Variants in MTUS1 observed in about 807,000 individuals in gnomAD.
MTUS1 encodes microtubule associated scaffold protein 1, also known as microtubule-associated tumor suppressor 1.
Under a neutral mutation model 120.8 loss-of-function variants are expected in MTUS1, and 109 were observed. The ratio of observed to expected loss-of-function variants is 0.90; its 90% CI spans 0.77 to 1.06. MTUS1 has a LOEUF of 1.06. Among genes scored for constraint, MTUS1 ranks in the 50% least tolerant of loss-of-function variants. The pLI is 0.00. For synonymous variants in MTUS1, 737 were observed against 550.5 expected, an observed-to-expected ratio of 1.34 and a Z score of -4.74; for missense variants, 2,210 against 1,486.3, an observed-to-expected ratio of 1.49 and a Z score of -8.01.
chr8:17,700,026 A>G (rs1346570892), intron 6 of MTUS1, among the ~76,000 whole-genome samples: 1 of 152,228 alleles, frequency 6.6e-6, no homozygotes, highest in Non-Finnish European at 1.5e-5. Flanking sequence ...GAATGTGAGA[A>G]GTACCTAAAA....
At chr8:17,790,490 G>A (rs2051685479) in intron 1 of MTUS1, among the ~76,000 whole-genome samples, 2 of 152,106 alleles carry the variant, frequency 1.3e-5, no homozygotes, top group South Asian at 4.1e-4. Context: ...AGGACTTATT[G>A]CAAAAAGCAG....
In MTUS1 at chr8:17,657,015, C is replaced by T. The variant is rs568526565; in HGVS notation, c.2906-950G>A. Among the ~76,000 whole-genome samples, 876 of 137,326 alleles carry T rather than the reference C, an allele frequency of 6.4e-3. 1 individual carries two copies. The highest frequency in any genetic ancestry group is 9.6e-3 in the Non-Finnish European group (632 of 65,824). 90.1% of individuals were successfully genotyped at this position (137,326 alleles called of 152,430 possible). A position where few individuals can be genotyped will look rare whatever the true frequency, so the allele number is the denominator to read the frequency against. ...CGGAGCTTCCAGTGAGCCGAGATTG[C>T]GCCACTGCACTCCAGCCTGGGCGAC... On this transcript the variant is annotated intron_variant, in intron 8 of 14. Coordinates refer to ENST00000693296, the MANE Select transcript of MTUS1 (RefSeq NM_001363059.2).
At chr8:17,704,556 C>T (rs1208020333) in intron 6 of MTUS1, among the ~76,000 whole-genome samples, 1 of 152,122 alleles carries the variant, frequency 6.6e-6, no homozygotes, top group Admixed American at 6.5e-5. Flanking sequence ...ATTCTTGGCA[C>T]ACTTGCTGAA....
At chr8:17,792,910 ACTT>A (rs2131590854) in intron 1 of MTUS1, among the ~76,000 whole-genome samples, 1 of 152,344 alleles carries the variant, frequency 6.6e-6, no homozygotes, top group South Asian at 2.1e-4. Context: ...AACAGAAAAT[ACTT>A]CTTCACAGCA....
At chr8:17,653,382 A>AT (rs558449475) in intron 11 of MTUS1, 43 bp downstream of exon 11, 2,309 of 1,487,678 alleles carry the variant, frequency 1.6e-3, no homozygotes, top group South Asian at 3.4e-3. Flanking sequence ...CAAAAATGAT[A>AT]TTTTTTTTTG....
intron 5 of MTUS1, 122 bp downstream of exon 5, chr8:17,715,645 C>G (rs1003729795): frequency 5.8e-6 from 6 of 1,037,544 alleles, no homozygotes; most frequent in Middle Eastern, 2.1e-4. Context: ...TATCTCCTTT[C>G]TCAACATATT....
At chr8:17,734,823 C>A (rs1340800083) in intron 3 of MTUS1, among the ~76,000 whole-genome samples, 1 of 152,168 alleles carries the variant, frequency 6.6e-6, no homozygotes, top group African/African-American at 2.4e-5. Flanking sequence ...AGTGAGCCTC[C>A]TGGCTCATTA....
intron 6 of MTUS1, among the ~76,000 whole-genome samples, chr8:17,690,479 T>C (rs1199405979): frequency 6.6e-6 from 1 of 152,158 alleles, no homozygotes; most frequent in Non-Finnish European, 1.5e-5. Flanking sequence ...AGTATGGAGA[T>C]TCCTCAAAGA....
chr8:17,783,720 A>G (rs961722423), intron 1 of MTUS1, among the ~76,000 whole-genome samples: 1 of 152,092 alleles, frequency 6.6e-6, no homozygotes, highest in Non-Finnish European at 1.5e-5. Context: ...CTTTACAATC[A>G]CTGGTATCTG....
intron 8 of MTUS1, among the ~76,000 whole-genome samples, chr8:17,670,566 G>T (rs1217337600): frequency 6.6e-6 from 1 of 152,190 alleles, no homozygotes. Flanking sequence ...GCTCACATCT[G>T]TAATCCCAGC....
chr8:17,791,063 G>A (rs1156974214), intron 1 of MTUS1, among the ~76,000 whole-genome samples: 1 of 152,138 alleles, frequency 6.6e-6, no homozygotes, highest in Non-Finnish European at 1.5e-5. Flanking sequence ...ACTTCCACTC[G>A]CATTAAAACT....
chr8:17,657,659 T>TAAA (rs60180794), intron 8 of MTUS1, among the ~76,000 whole-genome samples: 35 of 136,190 alleles, frequency 2.6e-4, no homozygotes, highest in African/African-American at 8.0e-4. Flanking sequence ...CTCTTAAAAT[T>TAAA]AAAAAAAAAA....
chr8:17,753,956 C>A lies in MTUS1; in HGVS notation c.1852G>T (p.Ala618Ser). 6.2e-7 allele frequency: 1 copy of A among 1,614,136 alleles called. No homozygotes were observed. The highest frequency in any genetic ancestry group is 1.1e-5 in the South Asian group (1 of 91,084). Residue 618 changes from alanine (A) to serine (S), a missense_variant, in exon 2 of 15, where the codon GCC (alanine) becomes TCC (serine). Transcript: ENST00000693296. ...TCGCATGCTGAGTTAGAAGAACTGG[C>A]TTTGTCAACATCTTCCTGATTCGAT... is the stretch of plus-strand genomic sequence containing the variant. Reference protein sequence around the residue: ...VKSNQEDVDKASSSNSACETG... With the variant: ...VKSNQEDVDKSSSSNSACETG...
intron 1 of MTUS1, among the ~76,000 whole-genome samples, chr8:17,773,855 G>C (rs2050195212): frequency 9.8e-6 from 1 of 102,306 alleles, no homozygotes; most frequent in Admixed American, 1.0e-4. Flanking sequence ...CAACCAGCTT[G>C]GACACAGATC....
intron 3 of MTUS1, among the ~76,000 whole-genome samples, chr8:17,742,062 T>C (rs114511243): frequency 0.013 from 1,908 of 152,126 alleles, 35 homozygotes; most frequent in African/African-American, 0.043. Context: ...ACCATGAGCC[T>C]TATTGGACAA....
chr8:17,732,603 A>C (rs1335185980), intron 3 of MTUS1, among the ~76,000 whole-genome samples: 1 of 152,082 alleles, frequency 6.6e-6, no homozygotes, highest in Non-Finnish European at 1.5e-5. Flanking sequence ...TCTCCCACGC[A>C]CTTCAAACTT....
At chr8:17,664,241 C>T (rs1025340630) in intron 8 of MTUS1, among the ~76,000 whole-genome samples, 1 of 152,070 alleles carries the variant, frequency 6.6e-6, no homozygotes, top group African/African-American at 2.4e-5. Flanking sequence ...ACATTATACG[C>T]AATAGAATTT....
rs1299168696 is a variant in MTUS1 at position 17,644,814 on chromosome 8, T to A, written c.*1112A>T. The A allele has an allele frequency of 6.6e-6, 1 of 152,200 alleles. No individual in the cohort carries two copies. The highest frequency in any genetic ancestry group is 2.4e-5 in the African/African-American group (1 of 41,454). 9.4% of individuals were successfully genotyped at this position (152,200 alleles called of 1,614,324 possible). ...AGGCTTTAGTTTATTTGGAAAGTGG[T>A]TTCAGCACCTGGAAGATGAGCTGGC... On this transcript the variant is annotated 3_prime_UTR_variant, in exon 15 of 15. Transcript: ENST00000693296.
chr8:17,754,188 T>G lies in MTUS1; in HGVS notation c.1620A>C (p.Ser540=), dbSNP rs764739334. The change falls in exon 2 of 15, where the codon TCA becomes TCC. Residue 540 remains serine, a synonymous_variant. Transcript: ENST00000693296. The part of the protein sequence containing the change: ...VTPRPQQTSA[S]SPSSVNSRQQ... ...GTCTTGAATTCACTGATGAGGGTGA[T>G]GAGGCACTGGTCTGCTGAGGTCTGG... The G allele has an allele frequency of 1.9e-6, 3 of 1,613,988 alleles. No individual in the cohort carries two copies. In the African/African-American group the frequency reaches 4.0e-5, roughly 22 times the overall value.
Sources: allele counts gnomAD v4.1 joint callset (sites outside exome capture counted in the v4.1 genomes callset), GRCh38; gene constraint gnomAD v4.1.1; transcripts MANE v1.5; gene names NCBI Gene and HGNC (gene_info 2026-07-23, HGNC 2026-07-21).